The following CEACAM6 variants were observed in gnomAD, a reference collection of about 807,000 sequenced individuals.
The protein encoded by CEACAM6 is cell adhesion molecule CEACAM6.
Under a neutral mutation model 32.4 loss-of-function variants are expected in CEACAM6, and 21 were observed. That is an observed-to-expected ratio of 0.65 (90% CI 0.46 to 0.93). CEACAM6 has a LOEUF of 0.93. Among genes scored for constraint, CEACAM6 ranks in the 40% least tolerant of loss-of-function variants. CEACAM6 has a pLI of 0.00. For synonymous variants in CEACAM6, 184 were observed against 174.4 expected (o/e 1.06, Z -0.43); for missense variants, 406 against 432.2 (o/e 0.94, Z 0.54).
In CEACAM6 at chr19:41,772,131, G is replaced by C. The variant is rs1179053217; in HGVS notation, c.*1370G>C. The C allele has an allele frequency of 2.0e-5, 3 of 152,124 alleles. No individual in the cohort carries two copies. The highest frequency in any genetic ancestry group is 4.8e-5 in the African/African-American group (2 of 41,430). 9.4% of individuals were successfully genotyped at this position (152,124 alleles called of 1,614,324 possible). A position where few individuals can be genotyped will look rare whatever the true frequency, so the allele number is the denominator to read the frequency against. On this transcript the variant is annotated 3_prime_UTR_variant, in exon 6 of 6. Transcript: ENST00000199764. ...CTGTTCTTGTATTGTATTGCCCAGG[G>C]GGAGCTATCACTGTACTTGTAGAGT...
At position 41,766,246 on chromosome 19, in the gene CEACAM6, T is replaced by A. The variant is rs1416368644; in HGVS notation, c.1022T>A (p.Val341Glu). 16 of 1,601,410 alleles carry A rather than the reference T, an allele frequency of 1.0e-5. No individual in the cohort carries two copies. Among genetic ancestry groups the A allele is most frequent in the Non-Finnish European group, 1.4e-5 (16 of 1,174,762 alleles). The change falls in exon 5 of 6, where the codon GTG becomes GAG. Residue 341 changes from valine to glutamate, a missense_variant. Val to Glu is a moderately radical substitution (Grantham distance 121). Transcript: ENST00000199764. ...VGITIGVLAR[V>E]ALI The stretch of plus-strand genomic sequence containing the variant: ...ATCACGATTGGAGTGCTGGCCAGGG[T>A]GGCTCTGATATAGCAGCCCTGGTGT...
chr19:41,758,722 C>A (rs2072904594), intron 2 of CEACAM6, among the ~76,000 whole-genome samples: 1 of 152,156 alleles, frequency 6.6e-6, no homozygotes, highest in African/African-American at 2.4e-5. Context: ...GGATGCCCTG[C>A]CCTGCACAGC....
chr19:41,766,206 G>A lies in CEACAM6; in HGVS notation c.982G>A (p.Val328Met). The change falls in exon 5 of 6, where the codon GTG becomes ATG. Residue 328 changes from valine to methionine, a missense_variant. Coordinates refer to ENST00000199764, the MANE Select transcript of CEACAM6 (RefSeq NM_002483.7). ...VSGSAPVLSA[V>M]ATVGITIGVL... is the part of the protein sequence containing the mutation. Reference sequence around the variant, plus strand: ...AGGAAGTGCTCCTGTCCTCTCAGCTGTGGCCACCGTCGGCATCACGATTGG... The same window carrying A: ...AGGAAGTGCTCCTGTCCTCTCAGCTATGGCCACCGTCGGCATCACGATTGG... 4 of 1,608,196 alleles carry A rather than the reference G, an allele frequency of 2.5e-6. No homozygotes were observed. Among genetic ancestry groups the A allele is most frequent in the Admixed American group, 1.7e-5 (1 of 59,026 alleles).
intron 5 of CEACAM6, 37 bp downstream of exon 5, chr19:41,766,336 G>A (rs1555822403): frequency 9.1e-7 from 1 of 1,101,926 alleles, no homozygotes; most frequent in Non-Finnish European, 1.3e-6. Context: ...TTTCCTGCAG[G>A]GCTGACCACC....
In CEACAM6 at chr19:41,766,283, T is replaced by C; in HGVS notation, c.*24T>C. ...AGCAGCCCTGGTGTATTTTCGATAT[T>C]TCAGGAAGACTGGCAGGTATGATCG... On this transcript the variant is annotated 3_prime_UTR_variant, in exon 5 of 6. Coordinates refer to ENST00000199764, the MANE Select transcript of CEACAM6 (RefSeq NM_002483.7). The C allele has an allele frequency of 6.5e-7, 1 of 1,547,884 alleles. No individual in the cohort carries two copies. The highest frequency in any genetic ancestry group is 8.8e-7 in the Non-Finnish European group (1 of 1,140,170).
intron 2 of CEACAM6, 35 bp downstream of exon 2, chr19:41,756,994 G>A: frequency 1.9e-6 from 3 of 1,569,308 alleles, no homozygotes; most frequent in East Asian, 2.2e-5. Context: ...GGTGTTGGGG[G>A]TCAGTTCTAC....
At chr19:41,761,845 G>T in intron 3 of CEACAM6, 124 bp from the exon 4 acceptor site, 1 of 1,257,844 alleles carries the variant, frequency 8.0e-7, no homozygotes, top group Admixed American at 2.1e-5. Flanking sequence ...GGGACATAGC[G>T]GGGGTTTGGT....
At position 41,766,249 on chromosome 19, in the gene CEACAM6, C is replaced by G; in HGVS notation, c.1025C>G (p.Ala342Gly). The G allele has an allele frequency of 1.9e-6, 3 of 1,599,436 alleles. No homozygotes were observed. Among genetic ancestry groups the G allele is most frequent in the Non-Finnish European group, 2.6e-6 (3 of 1,173,886 alleles). Residue 342 changes from alanine (A) to glycine (G), a missense_variant, in exon 5 of 6, where the codon GCT becomes GGT. Transcript: ENST00000199764. ...ACGATTGGAGTGCTGGCCAGGGTGG[C>G]TCTGATATAGCAGCCCTGGTGTATT... is the stretch of plus-strand genomic sequence containing the variant. ...GITIGVLARV[A>G]LI
intron 2 of CEACAM6, chr19:41,757,855 C>T (rs528858948): frequency 6.6e-6 from 1 of 152,380 alleles, no homozygotes; most frequent in South Asian, 2.1e-4. Context: ...ACTTATCCTA[C>T]TTATAGAAAG....
At position 41,756,721 on chromosome 19, in the gene CEACAM6, T is replaced by C. The variant is rs1323638695; in HGVS notation, c.186T>C (p.Arg62=). 8 of 1,613,924 alleles carry C rather than the reference T, an allele frequency of 5.0e-6. No homozygotes were observed. Among genetic ancestry groups the C allele is most frequent in the African/African-American group, 1.3e-5 (1 of 74,826 alleles). ...LLLAHNLPQN[R]IGYSWYKGER... ...TCGCCCACAACCTGCCCCAGAATCG[T>C]ATTGGTTACAGCTGGTACAAAGGCG... The change falls in exon 2 of 6, where the codon CGT becomes CGC. Residue 62 remains arginine, a synonymous_variant. Coordinates refer to ENST00000199764, the MANE Select transcript of CEACAM6 (RefSeq NM_002483.7).
intron 2 of CEACAM6, among the ~76,000 whole-genome samples, chr19:41,757,355 C>A (rs570611000): frequency 8.6e-4 from 131 of 152,194 alleles, no homozygotes; most frequent in African/African-American, 3.1e-3. Context: ...AGCCCCTGTA[C>A]AAAGCCCTGT....
chr19:41,771,536 T>A lies in CEACAM6; in HGVS notation c.*775T>A, dbSNP rs1045933097. On this transcript the variant is annotated 3_prime_UTR_variant, in exon 6 of 6. Transcript: ENST00000199764. ...TGCTTGGTTAAAATGGCTACACTCA[T>A]CTGACTCATTCTTTATTCTATTTTA... is the stretch of plus-strand genomic sequence containing the variant. The A allele has an allele frequency of 3.9e-5, 6 of 152,258 alleles. No homozygotes were observed. The highest frequency in any genetic ancestry group is 1.4e-4 in the African/African-American group (6 of 41,464). 9.4% of individuals were successfully genotyped at this position (152,258 alleles called of 1,614,324 possible). A position where few individuals can be genotyped will look rare whatever the true frequency, so the allele number is the denominator to read the frequency against.
At chr19:41,763,080 G>C (rs1007705158) in intron 4 of CEACAM6, among the ~76,000 whole-genome samples, 1 of 152,160 alleles carries the variant, frequency 6.6e-6, no homozygotes, top group South Asian at 2.1e-4. Flanking sequence ...TATTTATAGA[G>C]AGGATAAGAC....
chr19:41,759,347 A>C (rs1024160207), intron 2 of CEACAM6, among the ~76,000 whole-genome samples: 2 of 152,248 alleles, frequency 1.3e-5, no homozygotes, highest in African/African-American at 4.8e-5. Flanking sequence ...TCTCAGGTTA[A>C]CAGGAGAGGA....
At chr19:41,763,554 A>G (rs1446055341) in intron 4 of CEACAM6, among the ~76,000 whole-genome samples, 2 of 152,180 alleles carry the variant, frequency 1.3e-5, no homozygotes, top group African/African-American at 2.4e-5. Context: ...CCCAAGACTC[A>G]ATGCTTCTGC....
At chr19:41,762,368 C>T (rs1407937545) in intron 4 of CEACAM6, 145 bp downstream of exon 4, 15 of 880,120 alleles carry the variant, frequency 1.7e-5, no homozygotes, top group Non-Finnish European at 2.4e-5. Context: ...TCCCAATTCA[C>T]CTCTGCAGAC....
chr19:41,761,601 T>C (rs572052717), intron 3 of CEACAM6, 74 bp downstream of exon 3: 734 of 1,588,530 alleles, frequency 4.6e-4, no homozygotes, highest in Non-Finnish European at 4.4e-4. Context: ...GGTCTCTCAG[T>C]CCCTCTCAGG....
intron 2 of CEACAM6, 150 bp from the exon 3 acceptor site, chr19:41,761,099 G>A (rs1016725754): frequency 2.3e-5 from 33 of 1,440,162 alleles, no homozygotes; most frequent in Non-Finnish European, 2.7e-5. Context: ...TCAAATCATC[G>A]TGCATCTGTT....
chr19:41,768,602 A>G (rs1232809711), intron 5 of CEACAM6, among the ~76,000 whole-genome samples: 2 of 152,158 alleles, frequency 1.3e-5, no homozygotes, highest in East Asian at 1.9e-4. Flanking sequence ...CCCGTTCTCA[A>G]TGAGCTGTTG....
Sources: gnomAD v4.1 joint callset for allele counts (sites outside exome capture counted in the v4.1 genomes callset) on GRCh38, gnomAD v4.1.1 for gene constraint, MANE v1.5 for transcripts, NCBI Gene and HGNC (gene_info 2026-07-23, HGNC 2026-07-21) for gene names.